The following CC2D2B variants were observed in gnomAD, a reference collection of about 807,000 sequenced individuals.
The protein encoded by CC2D2B is protein CC2D2B.
CC2D2B carries 128 observed loss-of-function variants against 161.2 expected under a neutral mutation model. The ratio of observed to expected loss-of-function variants is 0.79; its 90% CI spans 0.69 to 0.92. CC2D2B has a LOEUF of 0.92. Ranked by LOEUF, CC2D2B falls within the 40% of genes least tolerant of loss-of-function variation. CC2D2B has a pLI of 0.00. For missense variants in CC2D2B, 1,173 were observed against 1,375.1 expected (o/e 0.85, Z 2.32); for synonymous variants, 391 against 449.8 (o/e 0.87, Z 1.65).
chr10:95,979,957 G>T (rs566814465), intron 17 of CC2D2B, among the ~76,000 whole-genome samples: 1 of 152,270 alleles, frequency 6.6e-6, no homozygotes, highest in East Asian at 1.9e-4. Context: ...TTGCATTTGG[G>T]TGTATAAGCC....
intron 9 of CC2D2B, among the ~76,000 whole-genome samples, chr10:95,946,522 T>G (rs1224475655): frequency 1.7e-4 from 26 of 152,226 alleles, no homozygotes; most frequent in Admixed American, 1.7e-3. Context: ...AAATGATTTT[T>G]CCTTGGTGTT....
At chr10:95,969,426 G>A (rs2077047089) in intron 15 of CC2D2B, among the ~76,000 whole-genome samples, 1 of 151,902 alleles carries the variant, frequency 6.6e-6, no homozygotes, top group Non-Finnish European at 1.5e-5. Context: ...GAAGAAAATA[G>A]GATGATGGAG....
intron 20 of CC2D2B, among the ~76,000 whole-genome samples, chr10:95,989,466 TCTTA>T (rs764126794): frequency 2.0e-5 from 3 of 152,210 alleles, no homozygotes. Flanking sequence ...CCCCTGCCTC[TCTTA>T]CTTCTTTACT....
At chr10:95,911,699 G>A (rs1444300215) in intron 2 of CC2D2B, among the ~76,000 whole-genome samples, 1 of 152,136 alleles carries the variant, frequency 6.6e-6, no homozygotes, top group Non-Finnish European at 1.5e-5. Context: ...ATATTTACAT[G>A]TCTCTTAGAG....
chr10:96,018,138 CAA>C (rs2141900749), intron 30 of CC2D2B, among the ~76,000 whole-genome samples: 1 of 152,224 alleles, frequency 6.6e-6, no homozygotes, highest in Admixed American at 6.5e-5. Flanking sequence ...ATGAAAGTGA[CAA>C]AGTTAGTGTT....
chr10:96,010,684 G>C (rs1050418779), intron 26 of CC2D2B, among the ~76,000 whole-genome samples: 8 of 152,134 alleles, frequency 5.3e-5, no homozygotes, highest in Admixed American at 2.0e-4. Context: ...GTTAAGAGGA[G>C]ACTAAGGAGG....
At chr10:95,993,813 TAGAGTGTATATATAA>T (rs1325595825) in intron 22 of CC2D2B, among the ~76,000 whole-genome samples, 1 of 138,876 alleles carries the variant, frequency 7.2e-6, no homozygotes, top group Non-Finnish European at 1.5e-5. Flanking sequence ...AGAATATATA[TAGAGTGTATATATAA>T]AGAGTGTATA....
At chr10:95,910,446 G>C (rs2098504211) in intron 1 of CC2D2B, among the ~76,000 whole-genome samples, 1 of 152,140 alleles carries the variant, frequency 6.6e-6, no homozygotes, top group Non-Finnish European at 1.5e-5. Context: ...CATGGCAAGA[G>C]AGGAAATAAA....
intron 9 of CC2D2B, among the ~76,000 whole-genome samples, chr10:95,939,550 A>G (rs935465876): frequency 7.0e-6 from 1 of 143,738 alleles, no homozygotes; most frequent in Non-Finnish European, 1.6e-5. Context: ...TAGTTTTACT[A>G]TATAGTGCCA....
intron 20 of CC2D2B, among the ~76,000 whole-genome samples, chr10:95,988,625 T>C (rs1197055955): frequency 6.6e-6 from 1 of 152,216 alleles, no homozygotes; most frequent in Non-Finnish European, 1.5e-5. Context: ...AAGTTCACCT[T>C]GAGAGATACC....
At chr10:96,010,008 GTGAT>G in intron 26 of CC2D2B, 85 bp downstream of exon 26, 1 of 768,868 alleles carries the variant, frequency 1.3e-6, no homozygotes, top group South Asian at 1.6e-5. Context: ...ATCAGACTCT[GTGAT>G]TGGCAGGCTG....
intron 2 of CC2D2B, among the ~76,000 whole-genome samples, chr10:95,918,784 C>T (rs2098521294): frequency 6.6e-6 from 1 of 152,116 alleles, no homozygotes; most frequent in African/African-American, 2.4e-5. Context: ...CTACCATAGG[C>T]ATGCTTCATT....
chr10:95,918,895 T>C (rs941282816), intron 2 of CC2D2B: 8 of 152,164 alleles, frequency 5.3e-5, no homozygotes, highest in African/African-American at 1.9e-4. Flanking sequence ...ATTCTAATGT[T>C]GGGAGACTCT....
chr10:95,924,436 G>T (rs1211402496), intron 4 of CC2D2B, 46 bp downstream of exon 4: 1 of 1,066,306 alleles, frequency 9.4e-7, no homozygotes, highest in Admixed American at 2.7e-5. Context: ...CTATTTAAAT[G>T]AGACATTTAA....
chr10:96,008,711 G>A (rs2078862335), intron 25 of CC2D2B, among the ~76,000 whole-genome samples: 1 of 152,054 alleles, frequency 6.6e-6, no homozygotes. Context: ...TTGGTGAGGT[G>A]TCTGTTCAAG....
chr10:96,007,108 G>A (rs1404510450), intron 25 of CC2D2B, among the ~76,000 whole-genome samples: 1 of 152,078 alleles, frequency 6.6e-6, no homozygotes, highest in East Asian at 1.9e-4. Context: ...TTGTTGTACA[G>A]ATTATTTCAT....
chr10:95,994,330 G>A (rs928750107), intron 22 of CC2D2B, among the ~76,000 whole-genome samples: 1 of 152,090 alleles, frequency 6.6e-6, no homozygotes, highest in African/African-American at 2.4e-5. Context: ...TTTCTTCTAT[G>A]CACTTGTAAG....
chr10:95,992,728 G>A lies in CC2D2B; in HGVS notation c.2642+31G>A. On this transcript the variant is annotated intron_variant, in intron 22 of 34. Coordinates refer to ENST00000646931, the MANE Select transcript of CC2D2B (RefSeq NM_001349008.3). The stretch of plus-strand genomic sequence containing the variant: ...GCAATATGCCCCAATTTTTAGAGTT[G>A]CAAAAGGTCTATTTTAAATGTGAGA... 2.5e-6 allele frequency: 3 copies of A among 1,208,924 alleles called. No individual in the cohort carries two copies. The South Asian group carries it at 1.3e-4, about 51-fold the overall frequency. 74.9% of individuals were successfully genotyped at this position (1,208,924 alleles called of 1,614,324 possible). A position where few individuals can be genotyped will look rare whatever the true frequency, so the allele number is the denominator to read the frequency against.
intron 11 of CC2D2B, among the ~76,000 whole-genome samples, chr10:95,960,260 C>A (rs1427902135): frequency 6.6e-6 from 1 of 152,144 alleles, no homozygotes; most frequent in African/African-American, 2.4e-5. Flanking sequence ...TTTCACACTT[C>A]AGCTATGTGA....
Sources: gnomAD v4.1 joint callset for allele counts (sites outside exome capture counted in the v4.1 genomes callset) on GRCh38, gnomAD v4.1.1 for gene constraint, MANE v1.5 for transcripts, NCBI Gene and HGNC (gene_info 2026-07-23, HGNC 2026-07-21) for gene names.